The following TIAM2 variants were observed in gnomAD, a reference collection of about 807,000 sequenced individuals.
TIAM2 encodes TIAM Rac1 associated GEF 2.
In TIAM2, 80 loss-of-function variants were observed where a neutral mutation model predicts 152.9. That is an observed-to-expected ratio of 0.52 (90% CI 0.44 to 0.63). TIAM2 has a LOEUF of 0.63. Ranked by LOEUF, TIAM2 falls within the 30% of genes least tolerant of loss-of-function variation. TIAM2 has a pLI of 0.00. For missense variants in TIAM2, 1,965 were observed against 2,120.1 expected (o/e 0.93, Z 1.44); for synonymous variants, 804 against 838.0 (o/e 0.96, Z 0.70).
chr6:155,250,801 A>G, intron 21 of TIAM2, 112 bp from the exon 22 acceptor site: 3 of 1,248,362 alleles, frequency 2.4e-6, no homozygotes. Flanking sequence ...CATAAAAATT[A>G]AACCAGCTGT....
intron 15 of TIAM2, among the ~76,000 whole-genome samples, chr6:155,230,196 T>G (rs1370857914): frequency 6.6e-6 from 1 of 152,096 alleles, no homozygotes; most frequent in Non-Finnish European, 1.5e-5. Flanking sequence ...CCACTCCTGC[T>G]CTCCCCTGAG....
chr6:155,028,386 T>C lies in TIAM2; in HGVS notation c.-209+32894T>C, dbSNP rs544598414. On this transcript the variant is annotated intron_variant, in intron 1 of 26. Coordinates refer to ENST00000682666, the MANE Select transcript of TIAM2 (RefSeq NM_012454.4). Reference sequence around the variant, plus strand: ...CATATAATATATATACTGTGTTACATATATACTACATATATATACTGTGTT... The same window carrying C: ...CATATAATATATATACTGTGTTACACATATACTACATATATATACTGTGTT... 1.0e-3 allele frequency among the ~76,000 whole-genome samples: 104 copies of C among 103,100 alleles called. 15 individuals carry two copies. The highest frequency in any genetic ancestry group is 4.6e-3 in the African/African-American group (101 of 22,162). 67.6% of individuals were successfully genotyped at this position (103,100 alleles called of 152,430 possible).
chr6:155,045,515 G>A (rs1462810618), intron 1 of TIAM2, among the ~76,000 whole-genome samples: 2 of 151,784 alleles, frequency 1.3e-5, no homozygotes, highest in East Asian at 1.9e-4. Flanking sequence ...TGTTCATTAT[G>A]GCCATTTTCT....
At chr6:155,019,793 G>A (rs1776432239) in intron 1 of TIAM2, among the ~76,000 whole-genome samples, 1 of 152,350 alleles carries the variant, frequency 6.6e-6, no homozygotes, top group African/African-American at 2.4e-5. Flanking sequence ...GGTGGCTCAT[G>A]CCTGTAATCC....
chr6:155,193,608 C>T (rs576512231), intron 14 of TIAM2, among the ~76,000 whole-genome samples: 1 of 152,174 alleles, frequency 6.6e-6, no homozygotes, highest in East Asian at 1.9e-4. Flanking sequence ...TGAAAAAAGA[C>T]AGTTAGTTCC....
At chr6:155,080,207 C>A (rs1189138443) in intron 1 of TIAM2, among the ~76,000 whole-genome samples, 1 of 151,700 alleles carries the variant, frequency 6.6e-6, no homozygotes, top group African/African-American at 2.4e-5. Context: ...AAAACCTTAT[C>A]TCTGATGTCC....
At chr6:155,246,686 G>A (rs1454620162) in intron 19 of TIAM2, among the ~76,000 whole-genome samples, 2 of 152,012 alleles carry the variant, frequency 1.3e-5, no homozygotes, top group Non-Finnish European at 2.9e-5. Context: ...GCATACCAAT[G>A]TACTTGTCAA....
intron 2 of TIAM2, among the ~76,000 whole-genome samples, chr6:155,122,635 G>A (rs1231143398): frequency 6.6e-6 from 1 of 151,912 alleles, no homozygotes; most frequent in African/African-American, 2.4e-5. Flanking sequence ...TTTGTACACA[G>A]CATAAAATGT....
At chr6:155,019,910 AGGCGTGGTGCTGGGCGCCTGTAGTCCC>A (rs1022620184) in intron 1 of TIAM2, among the ~76,000 whole-genome samples, 13 of 152,154 alleles carry the variant, frequency 8.5e-5, no homozygotes, top group African/African-American at 3.1e-4. Flanking sequence ...AAAATTAGCC[AGGCGTGGTGCTGGGCGCCTGTAGTCCC>A]GGCTACTTGG....
intron 23 of TIAM2, 134 bp from the exon 24 acceptor site, chr6:155,252,812 TTC>T (rs1220098743): frequency 4.3e-6 from 3 of 701,022 alleles, no homozygotes; most frequent in Non-Finnish European, 7.2e-6. Context: ...GCTGATTGAC[TTC>T]TGTGCCCTGA....
intron 1 of TIAM2, among the ~76,000 whole-genome samples, chr6:155,042,223 A>G (rs917487381): frequency 2.0e-5 from 3 of 151,812 alleles, no homozygotes; most frequent in African/African-American, 7.3e-5. Flanking sequence ...CCCAGGAACA[A>G]CACAGGTTGT....
At chr6:155,101,233 C>G (rs1266809891) in intron 2 of TIAM2, among the ~76,000 whole-genome samples, 2 of 152,184 alleles carry the variant, frequency 1.3e-5, no homozygotes, top group Non-Finnish European at 2.9e-5. Flanking sequence ...CAGGCAGATA[C>G]TTGGTGTGCC....
rs377600040 is a variant in TIAM2, at chr6:155,137,622, G to A, written c.1630+10G>A. 5 of 1,558,662 alleles carry A rather than the reference G, an allele frequency of 3.2e-6. No individual in the cohort carries two copies. In the African/African-American group the frequency reaches 5.4e-5, roughly 17 times the overall value. ...TGGGTAACGCTGAAAGGTGAGTGCA[G>A]TGTCACCTGCTGAGGCCACTGGGGA... On this transcript the variant is annotated intron_variant, in intron 5 of 26. Transcript: ENST00000682666.
At chr6:155,138,479 T>G (rs543122767) in intron 5 of TIAM2, among the ~76,000 whole-genome samples, 3 of 151,654 alleles carry the variant, frequency 2.0e-5, no homozygotes, top group Non-Finnish European at 4.4e-5. Flanking sequence ...ATGTGCACAA[T>G]GTGCATGCAG....
At chr6:155,017,018 A>G (rs1275031912) in intron 1 of TIAM2, among the ~76,000 whole-genome samples, 4 of 152,190 alleles carry the variant, frequency 2.6e-5, no homozygotes, top group African/African-American at 2.4e-5. Context: ...CAAAAAGTTG[A>G]TCTGATGTAG....
chr6:155,133,917 A>C (rs548843866), intron 4 of TIAM2, among the ~76,000 whole-genome samples: 1 of 152,006 alleles, frequency 6.6e-6, no homozygotes, highest in Non-Finnish European at 1.5e-5. Flanking sequence ...GGGTTTCTCC[A>C]TGTTGGTCAG....
At chr6:155,026,985 G>A (rs1400688925) in intron 1 of TIAM2, among the ~76,000 whole-genome samples, 3 of 152,010 alleles carry the variant, frequency 2.0e-5, no homozygotes, top group African/African-American at 2.4e-5. Context: ...CATATAATTT[G>A]TGTCTATTTC....
chr6:155,185,447 T>A (rs926969478), intron 14 of TIAM2, among the ~76,000 whole-genome samples: 3 of 151,440 alleles, frequency 2.0e-5, no homozygotes, highest in Non-Finnish European at 2.9e-5. Context: ...TCTTTTTAAA[T>A]TTTTTTTTAA....
chr6:155,041,824 A>C (rs147486814), intron 1 of TIAM2, among the ~76,000 whole-genome samples: 3 of 152,134 alleles, frequency 2.0e-5, no homozygotes, highest in African/African-American at 7.2e-5. Context: ...ATGTAGACCC[A>C]ATTAGGTCAG....
Sources: allele counts gnomAD v4.1 joint callset (sites outside exome capture counted in the v4.1 genomes callset), GRCh38; gene constraint gnomAD v4.1.1; transcripts MANE v1.5; gene names NCBI Gene and HGNC (gene_info 2026-07-23, HGNC 2026-07-21).